The following RUNX1 variants were observed in gnomAD, a reference collection of about 807,000 sequenced individuals.
RUNX1 encodes the protein runt-related transcription factor 1.
RUNX1 carries 19 observed loss-of-function variants against 42.8 expected under a neutral mutation model. The ratio of observed to expected loss-of-function variants is 0.44; its 90% CI spans 0.31 to 0.65. RUNX1 has a LOEUF of 0.65. Ranked by LOEUF, RUNX1 falls within the 30% of genes least tolerant of loss-of-function variation. The probability of loss-of-function intolerance (pLI) is 0.07; values close to 1 mark genes in which losing one functional copy is unlikely to be tolerated. For missense variants in RUNX1, 528 were observed against 672.0 expected (o/e 0.79, Z 2.37); for synonymous variants, 271 against 289.4 (o/e 0.94, Z 0.64).
Position 34,913,245 on chromosome 21 carries a change from AAGG to A in RUNX1, c.59-20285_59-20283del, listed in dbSNP as rs375739404. On this transcript the variant is annotated intron_variant, in intron 2 of 8. Transcript: ENST00000675419. Reference sequence around the variant, plus strand: ...GATACTCCATCTCAAAAAGAAGAAGAAGGAGAAGGAGAAGGAGAAGAGAAATAA... The same window carrying A: ...GATACTCCATCTCAAAAAGAAGAAGAAGAAGGAGAAGGAGAAGAGAAATAA... Among the ~76,000 whole-genome samples the A allele has an allele frequency of 3.7e-3, 557 of 152,002 alleles. 5 individuals carry two copies. Among genetic ancestry groups the A allele is most frequent in the African/African-American group, 0.012 (508 of 41,366 alleles).
chr21:34,919,021 A>G (rs988453104), intron 2 of RUNX1, among the ~76,000 whole-genome samples: 5 of 152,254 alleles, frequency 3.3e-5, no homozygotes, highest in South Asian at 2.1e-4. Context: ...TAATATATCA[A>G]TTCATTATAA....
chr21:35,015,985 AG>A (rs1273645437), intron 2 of RUNX1, among the ~76,000 whole-genome samples: 6 of 152,184 alleles, frequency 3.9e-5, no homozygotes, highest in Non-Finnish European at 7.3e-5. Context: ...CTTTGTTGTG[AG>A]TTTCATTTCA....
intron 6 of RUNX1, among the ~76,000 whole-genome samples, chr21:34,848,570 G>T (rs1487595566): frequency 1.3e-5 from 2 of 152,164 alleles, no homozygotes; most frequent in Non-Finnish European, 2.9e-5. Context: ...GAGTAGCTGG[G>T]ATTATAGGCG....
Position 34,926,671 on chromosome 21 carries a change from T to C in RUNX1, c.59-33708A>G, listed in dbSNP as rs144415759. Among the ~76,000 whole-genome samples the C allele has an allele frequency of 4.2e-3, 636 of 152,188 alleles. 6 individuals are homozygous for C. Among genetic ancestry groups the C allele is most frequent in the African/African-American group, 0.015 (604 of 41,512 alleles). The stretch of plus-strand genomic sequence containing the variant: ...CTTATAAAGCAGGCTTTTTAACCAA[T>C]GTTTTGAACATATCAGGTTAAGGTA... On this transcript the variant is annotated intron_variant, in intron 2 of 8. Coordinates refer to ENST00000675419, the MANE Select transcript of RUNX1 (RefSeq NM_001754.5).
chr21:35,035,592 T>C (rs1055437954), intron 2 of RUNX1, among the ~76,000 whole-genome samples: 3 of 152,246 alleles, frequency 2.0e-5, no homozygotes, highest in African/African-American at 7.2e-5. Context: ...GGAGGCAGTG[T>C]GCCTCACACC....
At chr21:34,904,378 G>C (rs2834666) in intron 2 of RUNX1, among the ~76,000 whole-genome samples, 1 of 151,914 alleles carries the variant, frequency 6.6e-6, no homozygotes, top group Non-Finnish European at 1.5e-5. Flanking sequence ...ATATTTATAC[G>C]TGCAATGAAA....
intron 3 of RUNX1, chr21:34,889,797 GC>G: frequency 8.0e-6 from 9 of 1,129,236 alleles, no homozygotes; most frequent in Non-Finnish European, 9.8e-6. Flanking sequence ...CTCCGACCCC[GC>G]CCGGCGGGGC....
chr21:34,795,330 T>TTC (rs537319028), intron 8 of RUNX1, among the ~76,000 whole-genome samples: 2 of 152,040 alleles, frequency 1.3e-5, no homozygotes, highest in Non-Finnish European at 2.9e-5. Context: ...CTAGTGTGTT[T>TTC]TCTCTCTCTC....
In RUNX1 at chr21:34,946,402, A is replaced by G. The variant is rs889521127; in HGVS notation, c.59-53439T>C. 1.1e-4 allele frequency among the ~76,000 whole-genome samples: 16 copies of G among 152,130 alleles called. 1 individual carries two copies. In the South Asian group the frequency reaches 1.5e-3, roughly 14 times the overall value. On this transcript the variant is annotated intron_variant, in intron 2 of 8. Coordinates refer to ENST00000675419, the MANE Select transcript of RUNX1 (RefSeq NM_001754.5). ...CACATTCCCCTCTCTGTCCCCTTGTATATGCCCCTAGAGCTGTGTGGACTC... is the reference window on the plus strand; with the variant it reads ...CACATTCCCCTCTCTGTCCCCTTGTGTATGCCCCTAGAGCTGTGTGGACTC...
chr21:35,005,941 T>C (rs1188037269), intron 2 of RUNX1, among the ~76,000 whole-genome samples: 1 of 152,182 alleles, frequency 6.6e-6, no homozygotes, highest in African/African-American at 2.4e-5. Context: ...GTACGTCCAC[T>C]CCAGCTGGAA....
intron 2 of RUNX1, among the ~76,000 whole-genome samples, chr21:34,966,001 G>A (rs563615447): frequency 6.6e-6 from 1 of 152,282 alleles, no homozygotes; most frequent in African/African-American, 2.4e-5. Context: ...TCTCGATGGA[G>A]CAGTCCCCTC....
chr21:35,046,719 T>A (rs945052483), intron 2 of RUNX1, among the ~76,000 whole-genome samples: 2 of 152,194 alleles, frequency 1.3e-5, no homozygotes, highest in African/African-American at 4.8e-5. Context: ...ATCACTTGGA[T>A]GAAATTAACC....
rs1238468315 is a variant in RUNX1 at position 34,790,542 on chromosome 21, A to G, written c.*1593T>C. On this transcript the variant is annotated 3_prime_UTR_variant, in exon 9 of 9. Transcript: ENST00000675419. ...ATAAAAATAGTGCCATAAAATTTAC[A>G]GCGACATTGGATACCTTTGAATTGT... 4.3e-6 allele frequency: 1 copy of G among 233,452 alleles called. No homozygotes were observed. The highest frequency in any genetic ancestry group is 8.5e-6 in the Non-Finnish European group (1 of 118,066). The allele number at this position is 233,452 out of a possible 1,614,324, so 14.5% of individuals were successfully genotyped here.
At position 34,791,437 on chromosome 21, in the gene RUNX1, AAAAAC is replaced by A. The variant is rs929150664; in HGVS notation, c.*693_*697del. On this transcript the variant is annotated 3_prime_UTR_variant, in exon 9 of 9. Transcript: ENST00000675419. ...ACCCAAAGCTGTAGCTGTTTCTCAA[AAAAAC>A]AAAACAAAACAAAAAAAAACAACTA... 6 of 232,848 alleles carry A rather than the reference AAAAAC, an allele frequency of 2.6e-5. No individual in the cohort carries two copies. The highest frequency in any genetic ancestry group is 4.4e-5 in the African/African-American group (2 of 45,432). The allele number at this position is 232,848 out of a possible 1,614,324, so 14.4% of individuals were successfully genotyped here. A position where few individuals can be genotyped will look rare whatever the true frequency, so the allele number is the denominator to read the frequency against.
intron 2 of RUNX1, among the ~76,000 whole-genome samples, chr21:34,974,069 C>T (rs1433751633): frequency 6.6e-6 from 1 of 152,168 alleles, no homozygotes; most frequent in East Asian, 1.9e-4. Context: ...GCTCCTCCCA[C>T]CCCTTCATAA....
intron 7 of RUNX1, among the ~76,000 whole-genome samples, chr21:34,831,221 T>G (rs1408460661): frequency 1.3e-5 from 2 of 151,834 alleles, no homozygotes; most frequent in Admixed American, 6.6e-5. Context: ...TGGCTTTCTA[T>G]TCTATTTCAT....
At chr21:34,886,797 TCGCCGGCCTC>T (rs763092251) in intron 4 of RUNX1, 36 bp downstream of exon 4, 211 of 1,610,858 alleles carry the variant, frequency 1.3e-4, no homozygotes, top group Admixed American at 2.3e-4. Context: ...TCCCCCGGCC[TCGCCGGCCTC>T]CGCCTGTCCT....
chr21:34,792,284 A>AGGGCGGCAGGATGCG lies in RUNX1; in HGVS notation c.1279_1293dup (p.Arg427_Pro431dup). On this transcript the variant is annotated inframe_insertion, in exon 9 of 9. Coordinates refer to ENST00000675419, the MANE Select transcript of RUNX1 (RefSeq NM_001754.5). This position sits in a 1 kb window ranked among gnomAD's most constrained non-coding sequence, Gnocchi z 6.9. ...GCGGAGCCGGTGGAGGCGTTGGTGC[A>AGGGCGGCAGGATGCG]GGGCGGCAGGATGCGCGGCGGCGAG... is the stretch of plus-strand genomic sequence containing the variant. 1 of 1,532,836 alleles carries AGGGCGGCAGGATGCG rather than the reference A, an allele frequency of 6.5e-7. No individual in the cohort carries two copies. Among genetic ancestry groups the AGGGCGGCAGGATGCG allele is most frequent in the Non-Finnish European group, 8.8e-7 (1 of 1,141,076 alleles). 95.0% of individuals were successfully genotyped at this position (1,532,836 alleles called of 1,614,324 possible).
At chr21:34,806,138 A>G (rs1334211166) in intron 7 of RUNX1, among the ~76,000 whole-genome samples, 1 of 152,236 alleles carries the variant, frequency 6.6e-6, no homozygotes, top group Non-Finnish European at 1.5e-5. Context: ...AGTTATATTA[A>G]TACTTAGGTT....
Sources: allele counts gnomAD v4.1 joint callset (sites outside exome capture counted in the v4.1 genomes callset), GRCh38; gene constraint gnomAD v4.1.1; non-coding constraint Gnocchi (gnomAD v3.1); transcripts MANE v1.5; gene names NCBI Gene and HGNC (gene_info 2026-07-23, HGNC 2026-07-21).